The following HPS4 variants were observed in gnomAD, a reference collection of about 807,000 sequenced individuals.
HPS4 encodes BLOC-3 complex member HPS4.
In HPS4, 44 loss-of-function variants were observed where a neutral mutation model predicts 70.3. The observed-to-expected ratio is 0.63, with a 90% CI of 0.49 to 0.80. The LOEUF (loss-of-function observed/expected upper bound fraction) is 0.80. Ranked by LOEUF, HPS4 falls within the 30% of genes least tolerant of loss-of-function variation. The pLI is 0.00. For missense variants in HPS4, 873 were observed against 884.4 expected (o/e 0.99, Z 0.16); for synonymous variants, 377 against 355.9 (o/e 1.06, Z -0.67).
intron 13 of HPS4, among the ~76,000 whole-genome samples, chr22:26,454,527 T>C (rs112761587): frequency 6.6e-6 from 1 of 152,226 alleles, no homozygotes; most frequent in Admixed American, 6.5e-5. Context: ...TAGCTGTTCA[T>C]ATGTAGAAAG....
At chr22:26,463,641 G>A (rs1322332774) in intron 11 of HPS4, among the ~76,000 whole-genome samples, 2 of 152,216 alleles carry the variant, frequency 1.3e-5, no homozygotes, top group Admixed American at 6.5e-5. Flanking sequence ...CAAGGCCTGC[G>A]CTCTGCAAAA....
chr22:26,460,658 C>A (rs1261109335), intron 11 of HPS4, among the ~76,000 whole-genome samples: 1 of 152,244 alleles, frequency 6.6e-6, no homozygotes, highest in African/African-American at 2.4e-5. Context: ...TCACAAGATG[C>A]TATGTCAGAT....
In HPS4 at chr22:26,453,067, A is replaced by G. The variant is rs2085470314; in HGVS notation, c.*166T>C. On this transcript the variant is annotated 3_prime_UTR_variant, in exon 14 of 14. Coordinates refer to ENST00000398145, the MANE Select transcript of HPS4 (RefSeq NM_022081.6). ...ACCTGAAGAACTAACCCCTGCCCCCAAAACACATCCCAATCTGCAAAAGGA... is the reference window on the plus strand; with the variant it reads ...ACCTGAAGAACTAACCCCTGCCCCCGAAACACATCCCAATCTGCAAAAGGA... 18 of 754,538 alleles carry G rather than the reference A, an allele frequency of 2.4e-5. No homozygotes were observed. Among genetic ancestry groups the G allele is most frequent in the Admixed American group, 1.4e-4 (6 of 41,570 alleles). 46.7% of individuals were successfully genotyped at this position (754,538 alleles called of 1,614,324 possible). A position where few individuals can be genotyped will look rare whatever the true frequency, so the allele number is the denominator to read the frequency against.
chr22:26,446,239 T>A (rs531136482), downstream of HPS4, among the ~76,000 whole-genome samples: 1 of 151,996 alleles, frequency 6.6e-6, no homozygotes, highest in Non-Finnish European at 1.5e-5. Context: ...CCAGACCAAT[T>A]ACTATTTGTA....
chr22:26,465,378 AG>A (rs1203516984), intron 10 of HPS4, 76 bp downstream of exon 10: 19 of 947,546 alleles, frequency 2.0e-5, no homozygotes, highest in Middle Eastern at 4.2e-4. Context: ...GATGTATCAG[AG>A]GTTTGTTTTT....
chr22:26,465,328 C>T, intron 10 of HPS4, 127 bp downstream of exon 10: 2 of 735,996 alleles, frequency 2.7e-6, no homozygotes, highest in East Asian at 2.6e-5. Flanking sequence ...TGCTCCTTTA[C>T]AAGACAGGGC....
rs1198461042 is a variant in HPS4, at chr22:26,481,738, C to T, written c.25G>A (p.Ala9Thr). The part of the protein sequence containing the change: MATSTSTE[A>T]KSASWWNYFF... ...GTTACTCACCACGAGGCTGACTTTGCCTCTGTGGAGGTAGAGGTGGCCATC... is the reference window on the plus strand; with the variant it reads ...GTTACTCACCACGAGGCTGACTTTGTCTCTGTGGAGGTAGAGGTGGCCATC... Residue 9 changes from alanine (A) to threonine (T), a missense_variant, in exon 2 of 14, where the codon GCA becomes ACA. By Grantham distance (58) the Ala-to-Thr change is moderately conservative. Coordinates refer to ENST00000398145, the MANE Select transcript of HPS4 (RefSeq NM_022081.6). The T allele has an allele frequency of 6.2e-7, 1 of 1,614,158 alleles. No individual in the cohort carries two copies. Among genetic ancestry groups the T allele is most frequent in the Non-Finnish European group, 8.5e-7 (1 of 1,179,978 alleles).
rs754076687 is a variant in HPS4 at position 26,458,610 on chromosome 22, G to A, written c.1714-33C>T. 4.3e-6 allele frequency: 7 copies of A among 1,613,058 alleles called. No homozygotes were observed. In the South Asian group the frequency reaches 6.6e-5, roughly 15 times the overall value. Reference sequence around the variant, plus strand: ...GGGGGAGAGGGTCATGGGCTTGTAGGGCTGACCTCAGCAAGCCTTCTGAGG... The same window carrying A: ...GGGGGAGAGGGTCATGGGCTTGTAGAGCTGACCTCAGCAAGCCTTCTGAGG... On this transcript the variant is annotated intron_variant, in intron 11 of 13. Coordinates refer to ENST00000398145, the MANE Select transcript of HPS4 (RefSeq NM_022081.6).
At chr22:26,464,882 G>A (rs762178288) in intron 10 of HPS4, 56 bp from the exon 11 acceptor site, 282 of 1,499,114 alleles carry the variant, frequency 1.9e-4, no homozygotes, top group Non-Finnish European at 2.4e-4. Context: ...CAGGGCAAGT[G>A]CCCTTCCACA....
intron 8 of HPS4, chr22:26,466,546 C>A: frequency 1.8e-6 from 1 of 550,576 alleles, no homozygotes; most frequent in Non-Finnish European, 3.3e-6. Context: ...CAGTCTCTCT[C>A]CCTTCTGGGA....
chr22:26,460,209 A>C (rs986858153), intron 11 of HPS4, among the ~76,000 whole-genome samples: 2 of 152,270 alleles, frequency 1.3e-5, no homozygotes, highest in Non-Finnish European at 2.9e-5. Context: ...GAACACATCC[A>C]ATGCCAAGCA....
chr22:26,462,172 A>G (rs191353995), intron 11 of HPS4, among the ~76,000 whole-genome samples: 66 of 151,908 alleles, frequency 4.3e-4, no homozygotes, highest in South Asian at 1.0e-3. Context: ...TTTCTCTTCC[A>G]TAAAACTGCA....
chr22:26,464,836 A>G lies in HPS4; in HGVS notation c.804-10T>C, dbSNP rs1601914383. 6.3e-7 allele frequency: 1 copy of G among 1,587,940 alleles called. No individual in the cohort carries two copies. Among genetic ancestry groups the G allele is most frequent in the Non-Finnish European group, 8.5e-7 (1 of 1,170,474 alleles). On this transcript the variant is annotated splice_polypyrimidine_tract_variant and intron_variant, in intron 10 of 13. Transcript: ENST00000398145. ...TGGAGATGCTAGAGACCTGGCAAAC[A>G]AGAGAGATGTAAGGAAGGGGCACGT... is the stretch of plus-strand genomic sequence containing the variant.
intron 3 of HPS4, among the ~76,000 whole-genome samples, chr22:26,478,332 G>T (rs180956505): frequency 2.8e-3 from 425 of 152,220 alleles, no homozygotes; most frequent in Non-Finnish European, 3.7e-3. Flanking sequence ...CTGCACTTTG[G>T]GAGGCTGAGG....
intron 7 of HPS4, among the ~76,000 whole-genome samples, chr22:26,470,228 T>C (rs1198809997): frequency 6.6e-6 from 1 of 152,154 alleles, no homozygotes; most frequent in Non-Finnish European, 1.5e-5. Flanking sequence ...AGAAGTGAAG[T>C]GAATTCTCAG....
At chr22:26,446,394 T>TG (rs1203222217), downstream of HPS4, among the ~76,000 whole-genome samples, 1 of 152,108 alleles carries the variant, frequency 6.6e-6, no homozygotes, top group African/African-American at 2.4e-5. Flanking sequence ...TAGCATACTG[T>TG]GGGGGAGAGG....
chr22:26,472,319 T>A lies in HPS4; in HGVS notation c.484A>T (p.Asn162Tyr). ...DLHKIFNSLW[N>Y]LDQTKVEPLL... ...AATGTTACTTTAGTTTGGTCCAAGT[T>A]CCAGAGGGAATTGAAAATCTTATGC... Residue 162 changes from asparagine to tyrosine, a missense_variant, in exon 6 of 14, where the codon AAC becomes TAC. Coordinates refer to ENST00000398145, the MANE Select transcript of HPS4 (RefSeq NM_022081.6). 6.2e-7 allele frequency: 1 copy of A among 1,608,228 alleles called. No individual in the cohort carries two copies. The highest frequency in any genetic ancestry group is 1.3e-5 in the African/African-American group (1 of 74,936).
In HPS4 at chr22:26,454,264, C is replaced by T. The variant is rs530829498; in HGVS notation, c.1956-860G>A. ...CAGCAAGACAATCTCTTCTCACAGC[C>T]CTGTGGGAGGGCTCCGAGGCCAGAT... On this transcript the variant is annotated intron_variant, in intron 13 of 13. Coordinates refer to ENST00000398145, the MANE Select transcript of HPS4 (RefSeq NM_022081.6). Among the ~76,000 whole-genome samples the T allele has an allele frequency of 2.0e-5, 3 of 152,326 alleles. No homozygotes were observed. In the South Asian group the frequency reaches 6.2e-4, roughly 32 times the overall value.
Position 26,452,188 on chromosome 22 carries a change from C to A in HPS4, c.*1045G>T. The A allele has an allele frequency of 3.0e-6, 1 of 333,248 alleles. No homozygotes were observed. The highest frequency in any genetic ancestry group is 6.0e-6 in the Non-Finnish European group (1 of 168,052). 20.6% of individuals were successfully genotyped at this position (333,248 alleles called of 1,614,324 possible). A position where few individuals can be genotyped will look rare whatever the true frequency, so the allele number is the denominator to read the frequency against. ...ATCATAAACATCAGATATCAGTTCACTGACATGAAATTATTAACAATACAA... is the reference window on the plus strand; with the variant it reads ...ATCATAAACATCAGATATCAGTTCAATGACATGAAATTATTAACAATACAA... On this transcript the variant is annotated 3_prime_UTR_variant, in exon 14 of 14. Coordinates refer to ENST00000398145, the MANE Select transcript of HPS4 (RefSeq NM_022081.6).
Sources: allele counts gnomAD v4.1 joint callset (sites outside exome capture counted in the v4.1 genomes callset), GRCh38; gene constraint gnomAD v4.1.1; transcripts MANE v1.5; gene names NCBI Gene and HGNC (gene_info 2026-07-23, HGNC 2026-07-21).